The following AP4S1 variants were observed in gnomAD, a reference collection of about 807,000 sequenced individuals.
AP4S1 encodes the protein adaptor related protein complex 4 subunit sigma 1.
In AP4S1, 23 loss-of-function variants were observed where a neutral mutation model predicts 19.8. The ratio of observed to expected loss-of-function variants is 1.16; its 90% CI spans 0.84 to 1.65. The LOEUF (loss-of-function observed/expected upper bound fraction) is 1.65, where lower values mean the gene tolerates loss of function less well. Among genes scored for constraint, AP4S1 ranks in the 40% most tolerant of loss-of-function variants. The pLI is 0.00. For synonymous variants in AP4S1, 46 were observed against 54.1 expected (o/e 0.85, Z 0.66); for missense variants, 166 against 172.8 (o/e 0.96, Z 0.22).
At chr14:31,048,692 T>A (rs560696742) in intron 1 of AP4S1, among the ~76,000 whole-genome samples, 1 of 152,062 alleles carries the variant, frequency 6.6e-6, no homozygotes, top group Non-Finnish European at 1.5e-5. Context: ...TGAGCCAAGA[T>A]TGCGTCATTG....
intron 4 of AP4S1, among the ~76,000 whole-genome samples, chr14:31,078,838 AAAG>A (rs1198651535): frequency 2.6e-5 from 4 of 152,310 alleles, no homozygotes; most frequent in Non-Finnish European, 5.9e-5. Flanking sequence ...ACCATAGCAA[AAAG>A]AAGAAGAGGA....
chr14:31,035,184 T>A (rs1160224993), intron 1 of AP4S1, among the ~76,000 whole-genome samples: 1 of 146,956 alleles, frequency 6.8e-6, no homozygotes, highest in Admixed American at 7.1e-5. Context: ...ACAAAATTAA[T>A]GGTAATTCCT....
chr14:31,046,361 T>C (rs1250199967), intron 1 of AP4S1, among the ~76,000 whole-genome samples: 1 of 152,206 alleles, frequency 6.6e-6, no homozygotes, highest in Non-Finnish European at 1.5e-5. Context: ...TTTCTGGACA[T>C]TTCTTATTAG....
chr14:31,091,481 C>T (rs1888074278), intron 5 of AP4S1, among the ~76,000 whole-genome samples: 1 of 151,522 alleles, frequency 6.6e-6, no homozygotes, highest in Non-Finnish European at 1.5e-5. Flanking sequence ...AAGCAATCAT[C>T]TGTATAATTG....
intron 1 of AP4S1, among the ~76,000 whole-genome samples, chr14:31,052,818 T>C (rs1399807479): frequency 4.0e-5 from 6 of 151,276 alleles, no homozygotes; most frequent in Admixed American, 1.3e-4. Flanking sequence ...TGTATAGCAA[T>C]CTAAAAGACC....
chr14:31,056,688 T>G (rs1463123905), intron 1 of AP4S1, among the ~76,000 whole-genome samples: 2 of 152,202 alleles, frequency 1.3e-5, no homozygotes, highest in Non-Finnish European at 2.9e-5. Flanking sequence ...CAGTGATTCG[T>G]TTGGCATTTT....
At chr14:31,044,906 A>AT (rs111624797) in intron 1 of AP4S1, among the ~76,000 whole-genome samples, 1,959 of 144,250 alleles carry the variant, frequency 0.014, 25 homozygotes, top group African/African-American at 0.038. Context: ...GTTTTCTATA[A>AT]TTTTTTTTTT....
At chr14:31,052,325 G>A (rs1566522792) in intron 1 of AP4S1, among the ~76,000 whole-genome samples, 2 of 152,024 alleles carry the variant, frequency 1.3e-5, no homozygotes, top group African/African-American at 4.8e-5. Flanking sequence ...TAGTATCTGC[G>A]CTTGCTCCAT....
At chr14:31,034,326 C>CA (rs1048510039) in intron 1 of AP4S1, among the ~76,000 whole-genome samples, 4 of 151,670 alleles carry the variant, frequency 2.6e-5, no homozygotes, top group African/African-American at 4.8e-5. Context: ...ATTATCTTAA[C>CA]AAAAAAAAGA....
chr14:31,056,587 G>T (rs1008390838), intron 1 of AP4S1, among the ~76,000 whole-genome samples: 1 of 152,122 alleles, frequency 6.6e-6, no homozygotes, highest in Non-Finnish European at 1.5e-5. Flanking sequence ...TCGAACTCCT[G>T]ACCTCAGGTT....
At chr14:31,036,190 A>G (rs1479715265) in intron 1 of AP4S1, among the ~76,000 whole-genome samples, 1 of 151,848 alleles carries the variant, frequency 6.6e-6, no homozygotes, top group Non-Finnish European at 1.5e-5. Flanking sequence ...AAAGAAAAAA[A>G]TAATAATTTA....
chr14:31,056,544 A>T (rs1886128776), intron 1 of AP4S1, among the ~76,000 whole-genome samples: 1 of 151,982 alleles, frequency 6.6e-6, no homozygotes, highest in Non-Finnish European at 1.5e-5. Context: ...CTTTTAGTAG[A>T]GATGGGGTTT....
At chr14:31,067,377 C>G (rs756934718) in intron 2 of AP4S1, among the ~76,000 whole-genome samples, 3 of 150,876 alleles carry the variant, frequency 2.0e-5, no homozygotes, top group Non-Finnish European at 4.4e-5. Flanking sequence ...TACCCGTTAA[C>G]TCGTCATTTA....
At chr14:31,082,862 C>G (rs142244263) in intron 5 of AP4S1, among the ~76,000 whole-genome samples, 4,695 of 151,420 alleles carry the variant, frequency 0.031, 251 homozygotes, top group African/African-American at 0.11. Context: ...CGCCACTGCA[C>G]TCCAGCCTGG....
In AP4S1 at chr14:31,049,444, T is replaced by A. The variant is rs1227516385; in HGVS notation, c.-71-16682T>A. The stretch of plus-strand genomic sequence containing the variant: ...AAAAAAAAAAATATATATATATATA[T>A]ATATATATATATATATATGTATATA... On this transcript the variant is annotated intron_variant, in intron 1 of 5. Coordinates refer to ENST00000542754, the MANE Select transcript of AP4S1 (RefSeq NM_001128126.3). 7.6e-3 allele frequency among the ~76,000 whole-genome samples: 511 copies of A among 66,980 alleles called. 24 individuals are homozygous for A. The highest frequency in any genetic ancestry group is 0.032 in the African/African-American group (401 of 12,484). The allele number at this position is 66,980 out of a possible 152,430, so 43.9% of individuals were successfully genotyped here.
In AP4S1 at chr14:31,056,881, A is replaced by G. The variant is rs144595725; in HGVS notation, c.-71-9245A>G. 5.2e-3 allele frequency among the ~76,000 whole-genome samples: 791 copies of G among 152,252 alleles called. 3 individuals carry two copies. Among genetic ancestry groups the G allele is most frequent in the Non-Finnish European group, 8.0e-3 (546 of 68,012 alleles). On this transcript the variant is annotated intron_variant, in intron 1 of 5. Coordinates refer to ENST00000542754, the MANE Select transcript of AP4S1 (RefSeq NM_001128126.3). The stretch of plus-strand genomic sequence containing the variant: ...CACTTAAGTCCAGGAGTTCAAGACT[A>G]GACTGGGCAACTGGAAACCCCGCCT...
chr14:31,037,520 T>C (rs774909905), intron 1 of AP4S1, among the ~76,000 whole-genome samples: 11 of 152,290 alleles, frequency 7.2e-5, no homozygotes, highest in Non-Finnish European at 1.6e-4. Context: ...TTTTGAAATA[T>C]TTTCATCCGA....
intron 1 of AP4S1, among the ~76,000 whole-genome samples, chr14:31,030,549 G>A (rs767825972): frequency 2.6e-5 from 4 of 152,202 alleles, no homozygotes; most frequent in Non-Finnish European, 5.9e-5. Flanking sequence ...GAGTCTCACT[G>A]TATTGCCAGG....
In AP4S1 at chr14:31,025,726, A is replaced by C; in HGVS notation, c.-133A>C. The C allele has an allele frequency of 2.3e-6, 2 of 860,472 alleles. No individual in the cohort carries two copies. Among genetic ancestry groups the C allele is most frequent in the Non-Finnish European group, 3.4e-6 (2 of 580,942 alleles). The allele number at this position is 860,472 out of a possible 1,614,324, so 53.3% of individuals were successfully genotyped here. A position where few individuals can be genotyped will look rare whatever the true frequency, so the allele number is the denominator to read the frequency against. ...AGGTTGGGGAGCAAGCTTATGCGGG[A>C]AAGAGGGAGGGGGACTCCAGGAAAA... On this transcript the variant is annotated 5_prime_UTR_variant, in exon 1 of 6. Coordinates refer to ENST00000542754, the MANE Select transcript of AP4S1 (RefSeq NM_001128126.3).
Sources: allele counts gnomAD v4.1 joint callset (sites outside exome capture counted in the v4.1 genomes callset), GRCh38; gene constraint gnomAD v4.1.1; transcripts MANE v1.5; gene names NCBI Gene and HGNC (gene_info 2026-07-23, HGNC 2026-07-21).